Variants in PRMT3 observed in about 807,000 individuals in gnomAD.
The protein encoded by PRMT3 is protein arginine N-methyltransferase 3.
PRMT3 carries 62 observed loss-of-function variants against 71.9 expected under a neutral mutation model. That is an observed-to-expected ratio of 0.86 (90% CI 0.70 to 1.07). The LOEUF is 1.07. Among genes scored for constraint, PRMT3 ranks in the 50% least tolerant of loss-of-function variants. The pLI is 0.00. For missense variants in PRMT3, 663 were observed against 643.0 expected, an observed-to-expected ratio of 1.03 and a Z score of -0.34; for synonymous variants, 213 against 220.4, an observed-to-expected ratio of 0.97 and a Z score of 0.30.
Position 20,402,205 on chromosome 11 carries a change from C to T in PRMT3, c.706-714C>T, listed in dbSNP as rs12225975. ...TGCAATCTCAGCTCACCGCAACCTC[C>T]GCCTCCCGGGTTCAAGAGATTCTCC... On this transcript the variant is annotated intron_variant, in intron 7 of 15. Coordinates refer to ENST00000331079, the MANE Select transcript of PRMT3 (RefSeq NM_005788.4). 1.4e-3 allele frequency among the ~76,000 whole-genome samples: 210 copies of T among 152,084 alleles called. 4 individuals are homozygous for T. In the East Asian group the frequency reaches 0.036, roughly 26 times the overall value.
rs573606442 is a variant in PRMT3, at chr11:20,387,957, C to T, written c.29-62C>T. On this transcript the variant is annotated intron_variant, in intron 1 of 15. Coordinates refer to ENST00000331079, the MANE Select transcript of PRMT3 (RefSeq NM_005788.4). This position sits in a 1 kb window ranked among gnomAD's most constrained non-coding sequence, Gnocchi z 4.3. ...GGAGGAGAGCCCATCGTCACCTGCT[C>T]CTCGAGCCCCCGGGCCGCACCGGTG... 5.0e-6 allele frequency: 8 copies of T among 1,608,722 alleles called. No homozygotes were observed. The highest frequency in any genetic ancestry group is 4.0e-5 in the African/African-American group (3 of 74,958).
At chr11:20,449,379 A>G (rs1364638085) in intron 10 of PRMT3, among the ~76,000 whole-genome samples, 2 of 152,124 alleles carry the variant, frequency 1.3e-5, no homozygotes, top group African/African-American at 4.8e-5. Flanking sequence ...CATTTTTGCA[A>G]TGCTTGAATC....
At chr11:20,438,448 ACT>A (rs1849811638) in intron 10 of PRMT3, among the ~76,000 whole-genome samples, 1 of 151,788 alleles carries the variant, frequency 6.6e-6, no homozygotes, top group African/African-American at 2.4e-5. Flanking sequence ...CACAGTGATG[ACT>A]CTACTTCCCA....
Position 20,508,329 on chromosome 11 carries a change from A to G in PRMT3, c.1512A>G (p.Thr504=). ...GTGAAGCCTTGAAAGGAAAGGTCACAGTTCACAAGAATAAGAAAGATCCAC... is the reference window on the plus strand; with the variant it reads ...GTGAAGCCTTGAAAGGAAAGGTCACGGTTCACAAGAATAAGAAAGATCCAC... ...KAGEALKGKV[T]VHKNKKDPRS... Residue 504 remains threonine, a synonymous_variant, in exon 16 of 16, where the codon ACA becomes ACG. Transcript: ENST00000331079. 1.9e-6 allele frequency: 3 copies of G among 1,610,282 alleles called. No homozygotes were observed. The highest frequency in any genetic ancestry group is 1.7e-6 in the Non-Finnish European group (2 of 1,176,666).
intron 9 of PRMT3, among the ~76,000 whole-genome samples, chr11:20,414,678 A>G (rs2133333738): frequency 6.6e-6 from 1 of 152,256 alleles, no homozygotes; most frequent in African/African-American, 2.4e-5. Flanking sequence ...TTCAGATGTT[A>G]CTGCAGAAGA....
intron 13 of PRMT3, among the ~76,000 whole-genome samples, chr11:20,483,293 C>A (rs1046543700): frequency 6.6e-6 from 1 of 151,946 alleles, no homozygotes; most frequent in African/African-American, 2.4e-5. Context: ...TTCAGGTGAA[C>A]AAGTGTATTC....
chr11:20,505,746 C>A (rs1416819829), intron 15 of PRMT3, among the ~76,000 whole-genome samples: 1 of 151,806 alleles, frequency 6.6e-6, no homozygotes, highest in Non-Finnish European at 1.5e-5. Flanking sequence ...TCTTTTATTT[C>A]TTCCTTAGGT....
intron 15 of PRMT3, among the ~76,000 whole-genome samples, chr11:20,504,427 A>T (rs1851530990): frequency 6.6e-6 from 1 of 152,112 alleles, no homozygotes; most frequent in African/African-American, 2.4e-5. Context: ...TTACACAAAC[A>T]GTTGTTTTGG....
chr11:20,501,220 C>G (rs1022677135), intron 15 of PRMT3, among the ~76,000 whole-genome samples: 3 of 152,162 alleles, frequency 2.0e-5, no homozygotes, highest in Non-Finnish European at 4.4e-5. Flanking sequence ...ACATTTGTTA[C>G]AACATCTTAG....
chr11:20,429,087 G>A (rs1849604036), intron 10 of PRMT3, among the ~76,000 whole-genome samples: 2 of 152,104 alleles, frequency 1.3e-5, no homozygotes, highest in South Asian at 4.1e-4. Context: ...AGCTTTTGTG[G>A]TTTCTCTTTT....
intron 10 of PRMT3, among the ~76,000 whole-genome samples, chr11:20,443,779 T>G (rs1157590659): frequency 6.6e-6 from 1 of 152,212 alleles, no homozygotes; most frequent in Non-Finnish European, 1.5e-5. Context: ...CCAATTTGAC[T>G]GTCAGTCTTT....
chr11:20,445,435 A>G (rs1850004226), intron 10 of PRMT3, among the ~76,000 whole-genome samples: 1 of 152,122 alleles, frequency 6.6e-6, no homozygotes, highest in Admixed American at 6.6e-5. Context: ...CACACATGCT[A>G]TAACCATTTA....
intron 12 of PRMT3, among the ~76,000 whole-genome samples, chr11:20,463,574 CT>C (rs59723081): frequency 0.9 from 133,987 of 148,924 alleles, 60,724 homozygotes; most frequent in Middle Eastern, 0.98. Context: ...TGTATGTACT[CT>C]TTTTTTTTTT....
intron 11 of PRMT3, among the ~76,000 whole-genome samples, chr11:20,455,664 G>A (rs1484214121): frequency 6.6e-6 from 1 of 151,248 alleles, no homozygotes; most frequent in African/African-American, 2.5e-5. Context: ...GCAGGATGGG[G>A]GGTAGCAGAA....
intron 13 of PRMT3, among the ~76,000 whole-genome samples, chr11:20,480,123 T>G (rs1381890272): frequency 6.6e-6 from 1 of 152,152 alleles, no homozygotes; most frequent in Non-Finnish European, 1.5e-5. Flanking sequence ...ATCCATCTGG[T>G]CATGGACATC....
intron 10 of PRMT3, among the ~76,000 whole-genome samples, chr11:20,436,132 A>C (rs1433062800): frequency 4.6e-5 from 7 of 152,230 alleles, no homozygotes; most frequent in Admixed American, 3.9e-4. Flanking sequence ...CTGGGTATAG[A>C]AATGCTACTG....
intron 9 of PRMT3, among the ~76,000 whole-genome samples, chr11:20,413,736 T>A (rs945339281): frequency 6.6e-5 from 10 of 152,186 alleles, no homozygotes; most frequent in African/African-American, 1.9e-4. Context: ...TCTTATACCA[T>A]AAAACTTCAA....
chr11:20,469,349 C>A (rs950600986), intron 13 of PRMT3, among the ~76,000 whole-genome samples: 1 of 152,130 alleles, frequency 6.6e-6, no homozygotes, highest in African/African-American at 2.4e-5. Context: ...ACTCTGTATG[C>A]CAAGTGGCAT....
chr11:20,389,346 T>C (rs548539309), intron 2 of PRMT3, among the ~76,000 whole-genome samples: 2 of 152,344 alleles, frequency 1.3e-5, no homozygotes, highest in East Asian at 3.9e-4. Context: ...CAGTTTGAGC[T>C]GTGCCAGTTC....
Sources: allele counts gnomAD v4.1 joint callset (sites outside exome capture counted in the v4.1 genomes callset), GRCh38; gene constraint gnomAD v4.1.1; non-coding constraint Gnocchi (gnomAD v3.1); transcripts MANE v1.5; gene names NCBI Gene and HGNC (gene_info 2026-07-23, HGNC 2026-07-21).